Variants in PDILT observed in about 807,000 individuals in gnomAD.
The protein encoded by PDILT is protein disulfide isomerase like, testis expressed, also known as protein disulfide-isomerase-like protein of the testis.
A neutral mutation model predicts 53.7 loss-of-function variants in PDILT; 43 were observed. The ratio of observed to expected loss-of-function variants is 0.80; its 90% CI spans 0.63 to 1.03. PDILT has a LOEUF of 1.03. PDILT is among the 50% of genes least tolerant of loss of function. The pLI is 0.00. For synonymous variants in PDILT, 282 were observed against 274.2 expected, an observed-to-expected ratio of 1.03 and a Z score of -0.28; for missense variants, 727 against 712.3, an observed-to-expected ratio of 1.02 and a Z score of -0.24.
chr16:20,360,028 G>C (rs533872280), intron 11 of PDILT, among the ~76,000 whole-genome samples: 1 of 152,342 alleles, frequency 6.6e-6, no homozygotes, highest in Admixed American at 6.5e-5. Flanking sequence ...CCAACATAGA[G>C]GAAAACAGAG....
chr16:20,367,024 C>CTTCCTTTCT (rs1555489416), intron 8 of PDILT, among the ~76,000 whole-genome samples: 3 of 76,188 alleles, frequency 3.9e-5, no homozygotes, highest in South Asian at 1.1e-3. Context: ...CTCTCTCTTT[C>CTTCCTTTCT]TTCTTTCTTT....
chr16:20,377,143 C>A (rs894425600), intron 3 of PDILT, among the ~76,000 whole-genome samples: 1 of 152,068 alleles, frequency 6.6e-6, no homozygotes, highest in Non-Finnish European at 1.5e-5. Flanking sequence ...AGAAAATTAG[C>A]CAGGCATGGT....
intron 8 of PDILT, among the ~76,000 whole-genome samples, chr16:20,368,150 T>A (rs562998758): frequency 6.6e-6 from 1 of 152,090 alleles, no homozygotes; most frequent in South Asian, 2.1e-4. Flanking sequence ...GTTGTGGGCA[T>A]GGGAGCAGGG....
At chr16:20,363,612 G>A (rs1567318750) in intron 9 of PDILT, among the ~76,000 whole-genome samples, 1 of 152,074 alleles carries the variant, frequency 6.6e-6, no homozygotes, top group African/African-American at 2.4e-5. Context: ...AAGAAGTGGG[G>A]TTTAAAGACA....
intron 3 of PDILT, among the ~76,000 whole-genome samples, chr16:20,383,594 C>T (rs1966491505): frequency 6.6e-6 from 1 of 152,128 alleles, no homozygotes; most frequent in African/African-American, 2.4e-5. Context: ...CTCTTGTGTC[C>T]ATTCTGAGAA....
intron 7 of PDILT, 66 bp from the exon 8 acceptor site, chr16:20,369,755 G>T (rs753288353): frequency 4.6e-6 from 7 of 1,515,340 alleles, no homozygotes; most frequent in Non-Finnish European, 6.4e-6. Flanking sequence ...CTGCTGAAAG[G>T]CTGTGGACTA....
At chr16:20,367,267 T>A (rs2141706378) in intron 8 of PDILT, among the ~76,000 whole-genome samples, 1 of 151,996 alleles carries the variant, frequency 6.6e-6, no homozygotes, top group African/African-American at 2.4e-5. Flanking sequence ...CACACCCGGC[T>A]AATGTTTTGT....
chr16:20,391,706 ACAT>A (rs962183952), intron 2 of PDILT, among the ~76,000 whole-genome samples: 3 of 152,074 alleles, frequency 2.0e-5, no homozygotes, highest in African/African-American at 7.2e-5. Context: ...TTGGCCCCCA[ACAT>A]CATGCAATGT....
intron 3 of PDILT, among the ~76,000 whole-genome samples, chr16:20,381,057 T>C (rs1966454454): frequency 6.6e-6 from 1 of 152,238 alleles, no homozygotes; most frequent in African/African-American, 2.4e-5. Flanking sequence ...GGGCTGCATA[T>C]TTCCAGGCAC....
chr16:20,393,336 G>C (rs758371795), intron 2 of PDILT, among the ~76,000 whole-genome samples: 2 of 152,188 alleles, frequency 1.3e-5, no homozygotes, highest in African/African-American at 4.8e-5. Context: ...GGTATTGCTC[G>C]AAGGGCTTTG....
At chr16:20,387,784 C>T (rs746352329) in intron 2 of PDILT, among the ~76,000 whole-genome samples, 2 of 151,986 alleles carry the variant, frequency 1.3e-5, no homozygotes, top group African/African-American at 4.8e-5. Context: ...CCAGGCCCTG[C>T]TAATATTTGT....
Position 20,376,314 on chromosome 16 carries a change from C to A in PDILT, c.410-113G>T, listed in dbSNP as rs1253384131. On this transcript the variant is annotated intron_variant, in intron 3 of 11. Transcript: ENST00000302451. ...GAACCTTCTTGTCTCAGGCTCCCAC[C>A]CCTTGAAGGCCAAAGTCAGTTCCTC... The A allele has an allele frequency of 1.5e-5, 19 of 1,260,446 alleles. No homozygotes were observed. The African/African-American group carries it at 2.3e-4, about 15-fold the overall frequency. The allele number at this position is 1,260,446 out of a possible 1,614,324, so 78.1% of individuals were successfully genotyped here.
chr16:20,380,323 C>A (rs918449962), intron 3 of PDILT, among the ~76,000 whole-genome samples: 1 of 151,886 alleles, frequency 6.6e-6, no homozygotes, highest in Non-Finnish European at 1.5e-5. Flanking sequence ...ATTTTCTTTT[C>A]TTTTATTTTC....
chr16:20,400,546 G>A (rs908482424), intron 1 of PDILT, among the ~76,000 whole-genome samples: 1 of 151,392 alleles, frequency 6.6e-6, no homozygotes, highest in African/African-American at 2.4e-5. Context: ...GAATTGCTCA[G>A]GATGGGGTCT....
At chr16:20,372,769 G>T in intron 7 of PDILT, 33 bp downstream of exon 7, 2 of 1,602,408 alleles carry the variant, frequency 1.2e-6, no homozygotes, top group Middle Eastern at 1.7e-4. Context: ...CCTCATCCAG[G>T]AGTCCCAGAG....
Position 20,376,088 on chromosome 16 carries a change from C to T in PDILT, c.523G>A (p.Val175Ile), listed in dbSNP as rs1184380120. The T allele has an allele frequency of 4.3e-6, 7 of 1,614,080 alleles. No homozygotes were observed. The South Asian group carries it at 7.7e-5, about 18-fold the overall frequency. The change falls in exon 4 of 12, where the codon GTC becomes ATC. Residue 175 changes from valine (V) to isoleucine (I), a missense_variant. Coordinates refer to ENST00000302451, the MANE Select transcript of PDILT (RefSeq NM_174924.2). ...VAEFVISRPL[V>I]IVGFFQDLEE... is the part of the protein sequence containing the mutation. ...AGTACCTGGAAGAAGCCAACGATGACCAAGGGCCTGGATATCACAAACTCT... is the reference window on the plus strand; with the variant it reads ...AGTACCTGGAAGAAGCCAACGATGATCAAGGGCCTGGATATCACAAACTCT...
At chr16:20,384,426 C>G (rs1966502698) in intron 3 of PDILT, among the ~76,000 whole-genome samples, 3 of 152,102 alleles carry the variant, frequency 2.0e-5, no homozygotes, top group Admixed American at 6.5e-5. Context: ...GGGCCATGAA[C>G]AGTACCCGTG....
intron 9 of PDILT, among the ~76,000 whole-genome samples, chr16:20,363,100 GAAAGAA>G (rs1389652036): frequency 1.4e-5 from 2 of 139,292 alleles, no homozygotes; most frequent in African/African-American, 2.6e-5. Flanking sequence ...AAGGAAGAAA[GAAAGAA>G]AAAGAAAAAG....
chr16:20,385,936 G>T (rs1966530061), intron 2 of PDILT: 1 of 152,196 alleles, frequency 6.6e-6, no homozygotes, highest in Admixed American at 6.5e-5. Context: ...GCGCCATCTG[G>T]TGGAACGTCC....
Sources: allele counts gnomAD v4.1 joint callset (sites outside exome capture counted in the v4.1 genomes callset), GRCh38; gene constraint gnomAD v4.1.1; transcripts MANE v1.5; gene names NCBI Gene and HGNC (gene_info 2026-07-23, HGNC 2026-07-21).